Variants in ACOT1 observed in about 807,000 individuals in gnomAD.
ACOT1 encodes acyl-coenzyme A thioesterase 1.
In ACOT1, 8 loss-of-function variants were observed where a neutral mutation model predicts 15.7. The ratio of observed to expected loss-of-function variants is 0.51; its 90% confidence interval spans 0.30 to 0.92. The LOEUF is 0.92. Ranked by LOEUF, ACOT1 falls within the 40% of genes least tolerant of loss-of-function variation. The pLI is 0.06. For synonymous variants in ACOT1, 67 were observed against 241.2 expected, an observed-to-expected ratio of 0.28 and a Z score of 6.69; for missense variants, 151 against 539.4, an observed-to-expected ratio of 0.28 and a Z score of 7.13.
At chr14:73,520,986 T>A in the ACOT1 span, 6 of 1,613,834 alleles carry the variant, frequency 3.7e-6, no homozygotes, top group Non-Finnish European at 5.1e-6. Flanking sequence ...CTCAGTGCTC[T>A]TGTTGCCAGG....
At chr14:73,520,130 A>G in the ACOT1 span, 3 of 152,230 alleles carry the variant, frequency 2.0e-5, no homozygotes, top group Non-Finnish European at 4.4e-5. Flanking sequence ...AAACACTTTG[A>G]GAAGACTTTC....
At chr14:73,499,156 CA>C in the ACOT1 span, 1 of 1,612,044 alleles carries the variant, frequency 6.2e-7, no homozygotes, top group Non-Finnish European at 8.5e-7. Context: ...ATGGAAAAGG[CA>C]GTGTTGAGTG....
At chr14:73,524,409 C>T in the ACOT1 span, among the ~76,000 whole-genome samples, 2 of 145,018 alleles carry the variant, frequency 1.4e-5, no homozygotes, top group Non-Finnish European at 3.0e-5. Flanking sequence ...GGGTTGTTTC[C>T]AGATTTTAGC....
the ACOT1 span, among the ~76,000 whole-genome samples, chr14:73,528,557 T>C: frequency 1.3e-5 from 2 of 152,204 alleles, no homozygotes; most frequent in Non-Finnish European, 2.9e-5. Flanking sequence ...TGTCTTTGTC[T>C]GCCTTGGAGT....
chr14:73,522,300 G>C, the ACOT1 span: 1 of 1,614,166 alleles, frequency 6.2e-7, no homozygotes, highest in Non-Finnish European at 8.5e-7. Flanking sequence ...AGCAGTTCTG[G>C]CTTCTTCTTT....
chr14:73,496,512 G>T, the ACOT1 span: 1 of 766,032 alleles, frequency 1.3e-6, no homozygotes. Context: ...GTGGGAAAAA[G>T]GGTATGTACA....
At chr14:73,511,476 GC>G in the ACOT1 span, among the ~76,000 whole-genome samples, 1 of 150,790 alleles carries the variant, frequency 6.6e-6, no homozygotes, top group African/African-American at 2.4e-5. Flanking sequence ...CAGAGATCGC[GC>G]CACTGCACTC....
the ACOT1 span, among the ~76,000 whole-genome samples, chr14:73,510,788 G>A: frequency 6.6e-6 from 1 of 152,148 alleles, no homozygotes; most frequent in Non-Finnish European, 1.5e-5. Context: ...CTTGGGGACA[G>A]CACAGGAGCA....
chr14:73,511,556 T>C, the ACOT1 span, among the ~76,000 whole-genome samples: 1 of 98,028 alleles, frequency 1.0e-5, no homozygotes, highest in Non-Finnish European at 2.3e-5. Flanking sequence ...AATAAATAAA[T>C]AAATAAATAA....
chr14:73,507,721 C>T, the ACOT1 span, among the ~76,000 whole-genome samples: 3,034 of 151,964 alleles, frequency 0.02, 114 homozygotes, highest in African/African-American at 0.069. Flanking sequence ...CAGGCGTGAG[C>T]GACCATGCCC....
chr14:73,522,244 G>C, the ACOT1 span: 1 of 1,596,702 alleles, frequency 6.3e-7, no homozygotes, highest in Non-Finnish European at 8.5e-7. Flanking sequence ...GATTATCAAA[G>C]GTGCACTTGA....
chr14:73,538,216 C>G (rs1888943015), intron 1 of ACOT1, among the ~76,000 whole-genome samples: 1 of 113,814 alleles, frequency 8.8e-6, no homozygotes, highest in South Asian at 2.8e-4. Flanking sequence ...TCCAACATTC[C>G]GGAGGTTAGT....
the ACOT1 span, among the ~76,000 whole-genome samples, chr14:73,504,176 C>T: frequency 1.3e-5 from 2 of 149,828 alleles, no homozygotes; most frequent in Non-Finnish European, 3.0e-5. Flanking sequence ...CTCCTGGGTT[C>T]AAGTGACTCT....
chr14:73,494,639 C>T, the ACOT1 span, among the ~76,000 whole-genome samples: 1 of 152,156 alleles, frequency 6.6e-6, no homozygotes, highest in Admixed American at 6.6e-5. Context: ...CAGCCTCAAC[C>T]TCCTGGGCTC....
chr14:73,526,062 C>T, the ACOT1 span, among the ~76,000 whole-genome samples: 11 of 152,230 alleles, frequency 7.2e-5, no homozygotes, highest in East Asian at 7.7e-4. Flanking sequence ...GTGGGAAAGA[C>T]GGTCCTGCAT....
the ACOT1 span, among the ~76,000 whole-genome samples, chr14:73,523,842 G>A: frequency 7.9e-5 from 12 of 152,218 alleles, no homozygotes; most frequent in African/African-American, 2.9e-4. Flanking sequence ...CTCCTGGTCT[G>A]TACCACTTAC....
At chr14:73,497,573 T>C in the ACOT1 span, among the ~76,000 whole-genome samples, 2 of 152,214 alleles carry the variant, frequency 1.3e-5, no homozygotes, top group Non-Finnish European at 1.5e-5. Flanking sequence ...CTAAAACTTG[T>C]TGTCCCAATA....
At chr14:73,496,494 C>T in the ACOT1 span, 2 of 693,694 alleles carry the variant, frequency 2.9e-6, no homozygotes, top group Non-Finnish European at 5.1e-6. Context: ...TTAGAAAGTA[C>T]TTCTATGGTG....
chr14:73,503,162 G>A, the ACOT1 span: 1 of 646,198 alleles, frequency 1.5e-6, no homozygotes, highest in African/African-American at 1.8e-5. Flanking sequence ...CTCTCCCAAA[G>A]AATCCAGTGG....
Sources: allele counts gnomAD v4.1 joint callset (sites outside exome capture counted in the v4.1 genomes callset), GRCh38; gene constraint gnomAD v4.1.1; transcripts MANE v1.5; gene names NCBI Gene and HGNC (gene_info 2026-07-23, HGNC 2026-07-21).